CYP7B1: variants seen among roughly 807,000 people sequenced by gnomAD.
CYP7B1 encodes the protein cytochrome P450 7B1.
In CYP7B1, 29 loss-of-function variants were observed where a neutral mutation model predicts 42.7. The observed-to-expected ratio is 0.68, with a 90% CI of 0.51 to 0.93. CYP7B1 has a LOEUF of 0.93. Among genes scored for constraint, CYP7B1 ranks in the 40% least tolerant of loss-of-function variants. CYP7B1 has a pLI of 0.00. For missense variants in CYP7B1, 655 were observed against 600.5 expected, an observed-to-expected ratio of 1.09 and a Z score of -0.95; for synonymous variants, 235 against 218.2, an observed-to-expected ratio of 1.08 and a Z score of -0.68.
intron 1 of CYP7B1, among the ~76,000 whole-genome samples, chr8:64,643,178 T>TACACATATAG (rs1563374394): frequency 1.0e-5 from 1 of 97,558 alleles, no homozygotes; most frequent in Admixed American, 1.2e-4. Flanking sequence ...TATACATATA[T>TACACATATAG]ATACATATAT....
chr8:64,716,477 C>T (rs933413762), intron 1 of CYP7B1, among the ~76,000 whole-genome samples: 4 of 152,174 alleles, frequency 2.6e-5, no homozygotes, highest in South Asian at 2.1e-4. Context: ...GAGGCCGAGG[C>T]GGGCAGATCA....
intron 1 of CYP7B1, among the ~76,000 whole-genome samples, chr8:64,695,728 G>A (rs1238283738): frequency 2.0e-5 from 3 of 147,508 alleles, no homozygotes; most frequent in African/African-American, 5.0e-5. Flanking sequence ...ATCAGCACCC[G>A]AAAACAGCCT....
rs140557866 is a variant in CYP7B1, at chr8:64,648,417, G to A, written c.123-23878C>T. On this transcript the variant is annotated intron_variant, in intron 1 of 5. Transcript: ENST00000310193. ...CTATTTAATGATGGTACCTGTCCTGGCCACACATATTTGTGCTCGGATCCC... is the reference window on the plus strand; with the variant it reads ...CTATTTAATGATGGTACCTGTCCTGACCACACATATTTGTGCTCGGATCCC... Among the ~76,000 whole-genome samples, 128 of 152,230 alleles carry A rather than the reference G, an allele frequency of 8.4e-4. 1 individual carries two copies. Among genetic ancestry groups the A allele is most frequent in the Non-Finnish European group, 1.6e-3 (110 of 68,014 alleles).
intron 1 of CYP7B1, among the ~76,000 whole-genome samples, chr8:64,720,918 C>T (rs1273319684): frequency 1.3e-5 from 2 of 151,476 alleles, no homozygotes; most frequent in African/African-American, 4.8e-5. Flanking sequence ...TTGTAAATTA[C>T]TAACAAAGGC....
intron 1 of CYP7B1, among the ~76,000 whole-genome samples, chr8:64,757,632 C>T (rs750768836): frequency 3.9e-5 from 6 of 152,238 alleles, no homozygotes; most frequent in Non-Finnish European, 7.3e-5. Context: ...GCCACCATTG[C>T]ATTAACCAAG....
intron 4 of CYP7B1, among the ~76,000 whole-genome samples, chr8:64,607,990 C>A (rs1344874079): frequency 4.6e-5 from 7 of 152,202 alleles, no homozygotes; most frequent in Admixed American, 4.6e-4. Flanking sequence ...AAGAACTGAG[C>A]TTTACTGACC....
At chr8:64,727,920 G>A (rs895079678) in intron 1 of CYP7B1, 3 of 152,136 alleles carry the variant, frequency 2.0e-5, no homozygotes, top group Non-Finnish European at 4.4e-5. Context: ...CAAAAGTATG[G>A]ATCAAGAACA....
rs915363454 is a variant in CYP7B1 at position 64,596,555 on chromosome 8, T to C, written c.*87A>G. Reference sequence around the variant, plus strand: ...GCGCTTTTTAAACAAATAAATCAATTACATTTGCAGAAATTAAAAAGAAAT... The same window carrying C: ...GCGCTTTTTAAACAAATAAATCAATCACATTTGCAGAAATTAAAAAGAAAT... On this transcript the variant is annotated 3_prime_UTR_variant, in exon 6 of 6. Coordinates refer to ENST00000310193, the MANE Select transcript of CYP7B1 (RefSeq NM_004820.5). The C allele has an allele frequency of 1.4e-5, 18 of 1,313,234 alleles. No homozygotes were observed. The highest frequency in any genetic ancestry group is 1.6e-5 in the Non-Finnish European group (15 of 948,874). The allele number at this position is 1,313,234 out of a possible 1,614,324, so 81.3% of individuals were successfully genotyped here. A position where few individuals can be genotyped will look rare whatever the true frequency, so the allele number is the denominator to read the frequency against.
intron 1 of CYP7B1, among the ~76,000 whole-genome samples, chr8:64,670,720 C>T (rs1806353823): frequency 6.6e-6 from 1 of 152,178 alleles, no homozygotes; most frequent in Non-Finnish European, 1.5e-5. Flanking sequence ...CCTGAGAGGG[C>T]AACGAGAAAG....
intron 1 of CYP7B1, among the ~76,000 whole-genome samples, chr8:64,768,417 C>T (rs1014480966): frequency 1.3e-5 from 2 of 150,860 alleles, no homozygotes; most frequent in Non-Finnish European, 2.9e-5. Flanking sequence ...GTAATTTGCT[C>T]TTCTGATGCA....
intron 2 of CYP7B1, among the ~76,000 whole-genome samples, chr8:64,617,954 T>C (rs959490937): frequency 2.0e-5 from 3 of 149,332 alleles, no homozygotes; most frequent in African/African-American, 7.4e-5. Flanking sequence ...TATTCACTCA[T>C]TTTCCCCTTG....
In CYP7B1 at chr8:64,624,559, G is replaced by A; in HGVS notation, c.123-20C>T. ...GGTCTCCTACAAGGAAAAAAAAAAAGATAAAAGAACAAAAGAAAAATCAAA... is the reference window on the plus strand; with the variant it reads ...GGTCTCCTACAAGGAAAAAAAAAAAAATAAAAGAACAAAAGAAAAATCAAA... On this transcript the variant is annotated intron_variant, in intron 1 of 5. Transcript: ENST00000310193. 1 of 1,605,280 alleles carries A rather than the reference G, an allele frequency of 6.2e-7. No individual in the cohort carries two copies. Among genetic ancestry groups the A allele is most frequent in the Non-Finnish European group, 8.5e-7 (1 of 1,176,288 alleles).
chr8:64,716,974 G>A (rs1807165378), intron 1 of CYP7B1, among the ~76,000 whole-genome samples: 1 of 152,112 alleles, frequency 6.6e-6, no homozygotes, highest in Non-Finnish European at 1.5e-5. Context: ...GCCAGTTGTT[G>A]CTTCATTTAT....
chr8:64,743,141 C>A (rs1807593913), intron 1 of CYP7B1, among the ~76,000 whole-genome samples: 1 of 151,858 alleles, frequency 6.6e-6, no homozygotes, highest in African/African-American at 2.4e-5. Flanking sequence ...AACAAATAAA[C>A]AAAAAAACAA....
At chr8:64,660,890 T>C (rs1259094517) in intron 1 of CYP7B1, among the ~76,000 whole-genome samples, 2 of 152,190 alleles carry the variant, frequency 1.3e-5, no homozygotes, top group East Asian at 3.8e-4. Flanking sequence ...TAGTGAGCAA[T>C]ACTCTAGAAT....
intron 5 of CYP7B1, among the ~76,000 whole-genome samples, chr8:64,600,175 A>G (rs369468020): frequency 1.3e-5 from 2 of 152,252 alleles, no homozygotes; most frequent in South Asian, 2.1e-4. Context: ...AAATAGTAGG[A>G]AATTGTATAA....
intron 1 of CYP7B1, among the ~76,000 whole-genome samples, chr8:64,698,343 A>G (rs940170074): frequency 1.1e-4 from 16 of 152,256 alleles, no homozygotes; most frequent in African/African-American, 3.6e-4. Context: ...GGGGGGGGAA[A>G]AAAACTAAAC....
chr8:64,690,177 C>T (rs867182130), intron 1 of CYP7B1, among the ~76,000 whole-genome samples: 6 of 152,166 alleles, frequency 3.9e-5, no homozygotes, highest in Non-Finnish European at 7.3e-5. Context: ...GCAGGTGCAT[C>T]GCTTGAGCCC....
At chr8:64,752,786 C>A (rs1050418332) in intron 1 of CYP7B1, among the ~76,000 whole-genome samples, 4 of 152,118 alleles carry the variant, frequency 2.6e-5, no homozygotes, top group Non-Finnish European at 5.9e-5. Context: ...ATTATAATTT[C>A]TCTTGCAATT....
Sources: allele counts gnomAD v4.1 joint callset (sites outside exome capture counted in the v4.1 genomes callset), GRCh38; gene constraint gnomAD v4.1.1; transcripts MANE v1.5; gene names NCBI Gene and HGNC (gene_info 2026-07-23, HGNC 2026-07-21).